The following PIK3C2G variants were observed in gnomAD, a reference collection of about 807,000 sequenced individuals.
The protein encoded by PIK3C2G is phosphatidylinositol-4-phosphate 3-kinase catalytic subunit type 2 gamma, also known as phosphatidylinositol 3-kinase C2 domain-containing subunit gamma.
In PIK3C2G, 168 loss-of-function variants were observed where a neutral mutation model predicts 181.1. That is an observed-to-expected ratio of 0.93 (90% CI 0.82 to 1.05). PIK3C2G has a LOEUF of 1.05. Ranked by LOEUF, PIK3C2G falls within the 50% of genes least tolerant of loss-of-function variation. The probability of loss-of-function intolerance (pLI) is 0.00; values close to 1 mark genes in which losing one functional copy is unlikely to be tolerated. For synonymous variants in PIK3C2G, 573 were observed against 592.2 expected (o/e 0.97, Z 0.47); for missense variants, 1,869 against 1,732.8 (o/e 1.08, Z -1.40).
At chr12:18,442,447 A>G (rs1346556377) in intron 18 of PIK3C2G, among the ~76,000 whole-genome samples, 1 of 152,216 alleles carries the variant, frequency 6.6e-6, no homozygotes, top group East Asian at 1.9e-4. Flanking sequence ...ATGGCATGAT[A>G]ATTACAATAG....
intron 24 of PIK3C2G, among the ~76,000 whole-genome samples, chr12:18,527,655 CT>C (rs1231346228): frequency 7.2e-6 from 1 of 139,636 alleles, no homozygotes. Flanking sequence ...TCAAAGAGCT[CT>C]TTCCTCTAAA....
At chr12:18,301,069 A>G (rs753250248) in intron 5 of PIK3C2G, among the ~76,000 whole-genome samples, 4 of 152,096 alleles carry the variant, frequency 2.6e-5, no homozygotes, top group African/African-American at 4.8e-5. Context: ...CTGCTGATAA[A>G]TTTGCTGTTA....
chr12:18,325,706 C>CAAAAAAAAA (rs34711642), intron 8 of PIK3C2G, among the ~76,000 whole-genome samples: 2 of 61,616 alleles, frequency 3.2e-5, no homozygotes, highest in African/African-American at 1.1e-4. Context: ...GACTCAGTCT[C>CAAAAAAAAA]AAAAAAAAAA....
chr12:18,513,266 T>C (rs1007593154), intron 24 of PIK3C2G, among the ~76,000 whole-genome samples: 1 of 151,858 alleles, frequency 6.6e-6, no homozygotes, highest in African/African-American at 2.4e-5. Context: ...TCTTTTCTTG[T>C]AGTGTGCTTT....
chr12:18,374,483 C>T (rs990991422), intron 13 of PIK3C2G, among the ~76,000 whole-genome samples: 10 of 152,062 alleles, frequency 6.6e-5, no homozygotes, highest in African/African-American at 2.4e-4. Flanking sequence ...AGATGAAGAA[C>T]TCTATGATGA....
chr12:18,612,764 T>C (rs1344540199), intron 31 of PIK3C2G, among the ~76,000 whole-genome samples: 4 of 152,186 alleles, frequency 2.6e-5, no homozygotes, highest in Non-Finnish European at 4.4e-5. Context: ...GATTTTACAT[T>C]AATATTAAAA....
chr12:18,282,244 G>A lies in PIK3C2G; in HGVS notation c.163G>A (p.Glu55Lys), dbSNP rs763302534. ...DEISGKIPHY[E>K]SEIDENTFFV... ...GATCAGTGGCAAAATTCCACACTAC[G>A]AGAGTGAAATTGATGAAAACACCTT... The change falls in exon 2 of 33, where the codon GAG (glutamate) becomes AAG (lysine). Residue 55 changes from glutamate to lysine, a missense_variant. By Grantham distance (56) the Glu-to-Lys change is moderately conservative. Coordinates refer to ENST00000538779, the MANE Select transcript of PIK3C2G (RefSeq NM_001288772.2). 1.9e-5 allele frequency: 30 copies of A among 1,613,486 alleles called. No homozygotes were observed. The highest frequency in any genetic ancestry group is 9.3e-5 in the African/African-American group (7 of 74,898).
chr12:18,548,889 C>A (rs73064297), intron 26 of PIK3C2G, among the ~76,000 whole-genome samples: 6,828 of 152,042 alleles, frequency 0.045, 225 homozygotes, highest in Middle Eastern at 0.12. Context: ...CAAGATTTAT[C>A]CAACTACCCG....
At chr12:18,411,231 T>C (rs1279322597) in intron 16 of PIK3C2G, among the ~76,000 whole-genome samples, 1 of 152,144 alleles carries the variant, frequency 6.6e-6, no homozygotes, top group Non-Finnish European at 1.5e-5. Context: ...AAATATCCAG[T>C]CAAAAAAATG....
intron 18 of PIK3C2G, among the ~76,000 whole-genome samples, chr12:18,483,263 T>G (rs569188258): frequency 6.6e-5 from 10 of 152,318 alleles, no homozygotes; most frequent in African/African-American, 2.4e-4. Context: ...CTGTGTTATG[T>G]AAACCCTAAA....
At chr12:18,693,490 A>T in the PIK3C2G span, 1 of 1,609,654 alleles carries the variant, frequency 6.2e-7, no homozygotes, top group South Asian at 1.1e-5. Flanking sequence ...TAGCCAAAGC[A>T]GTAGCAAACC....
In PIK3C2G at chr12:18,456,686, C is replaced by T. The variant is rs371958918; in HGVS notation, c.2505-31763C>T. The stretch of plus-strand genomic sequence containing the variant: ...CTCCAGGTTGAACATACCTGGCCCC[C>T]AGGTAACCTTTTCCTATTGGCACAG... On this transcript the variant is annotated intron_variant, in intron 18 of 32. Coordinates refer to ENST00000538779, the MANE Select transcript of PIK3C2G (RefSeq NM_001288772.2). Among the ~76,000 whole-genome samples the T allele has an allele frequency of 2.0e-5, 3 of 152,284 alleles. No individual in the cohort carries two copies. The East Asian group carries it at 5.8e-4, about 29-fold the overall frequency.
At position 18,648,302 on chromosome 12, in the gene PIK3C2G, T is replaced by C; in HGVS notation, c.*274T>C. ...ACCTTTATTAAATCATTTTAATATA[T>C]TTTAAATTAAACATAGGTTTACATT... On this transcript the variant is annotated 3_prime_UTR_variant, in exon 33 of 33. Transcript: ENST00000538779. 4.2e-6 allele frequency: 1 copy of C among 240,050 alleles called. No individual in the cohort carries two copies. The highest frequency in any genetic ancestry group is 6.0e-5 in the East Asian group (1 of 16,536). 14.9% of individuals were successfully genotyped at this position (240,050 alleles called of 1,614,324 possible). A position where few individuals can be genotyped will look rare whatever the true frequency, so the allele number is the denominator to read the frequency against.
chr12:18,712,788 A>T, the PIK3C2G span: 1 of 1,586,726 alleles, frequency 6.3e-7, no homozygotes, highest in Non-Finnish European at 8.6e-7. Context: ...GAAGCAAGTA[A>T]ATTAGAATTG....
Position 18,424,022 on chromosome 12 carries a change from T to C in PIK3C2G, c.2487T>C (p.Val829=). 6.2e-7 allele frequency: 1 copy of C among 1,609,356 alleles called. No individual in the cohort carries two copies. The highest frequency in any genetic ancestry group is 8.5e-7 in the Non-Finnish European group (1 of 1,177,268). Residue 829 remains valine (V), a synonymous_variant, in exon 18 of 33, where the codon GTT becomes GTC. Transcript: ENST00000538779. ...LLHRSLQSIQ[V]AHRLYWLLKN... ...ACCGCTCCTTGCAGAGCATCCAGGT[T>C]GCCCATCGTCTTTACTGGTAAGATT... is the stretch of plus-strand genomic sequence containing the variant.
At chr12:18,246,718 A>C (rs372276728), upstream of PIK3C2G, among the ~76,000 whole-genome samples, 1 of 152,138 alleles carries the variant, frequency 6.6e-6, no homozygotes, top group Admixed American at 6.5e-5. Flanking sequence ...TGTGTTTTAG[A>C]AGCCTCAAAT....
the PIK3C2G span, among the ~76,000 whole-genome samples, chr12:18,695,802 G>A: frequency 7.2e-5 from 11 of 152,046 alleles, no homozygotes; most frequent in African/African-American, 2.7e-4. Context: ...AAATGATAGA[G>A]GTCACTTGAT....
At chr12:18,587,047 G>A (rs527902493) in intron 29 of PIK3C2G, among the ~76,000 whole-genome samples, 1 of 151,804 alleles carries the variant, frequency 6.6e-6, no homozygotes, top group South Asian at 2.1e-4. Flanking sequence ...GATACCAAAG[G>A]AACCTATCTC....
chr12:18,244,918 C>T (rs980668627), upstream of PIK3C2G, among the ~76,000 whole-genome samples: 4 of 151,968 alleles, frequency 2.6e-5, no homozygotes, highest in East Asian at 1.9e-4. Flanking sequence ...AGTCAAAGAT[C>T]GAGGTTATAT....
Sources: gnomAD v4.1 joint callset for allele counts (sites outside exome capture counted in the v4.1 genomes callset) on GRCh38, gnomAD v4.1.1 for gene constraint, MANE v1.5 for transcripts, NCBI Gene and HGNC (gene_info 2026-07-23, HGNC 2026-07-21) for gene names.